The following SNAP91 variants were observed in gnomAD, a reference collection of about 807,000 sequenced individuals.
SNAP91 encodes the protein synaptosome associated protein 91, also known as clathrin coat assembly protein AP180.
In SNAP91, 27 loss-of-function variants were observed where a neutral mutation model predicts 100.3. That is an observed-to-expected ratio of 0.27 (90% CI 0.20 to 0.37). SNAP91 has a LOEUF of 0.37. Ranked by LOEUF, SNAP91 falls within the 10% of genes least tolerant of loss-of-function variation. The pLI is 1.00. For synonymous variants in SNAP91, 404 were observed against 398.6 expected, an observed-to-expected ratio of 1.01 and a Z score of -0.16; for missense variants, 986 against 1,123.7, an observed-to-expected ratio of 0.88 and a Z score of 1.75.
intron 13 of SNAP91, among the ~76,000 whole-genome samples, chr6:83,606,068 G>T (rs180842067): frequency 1.0e-3 from 157 of 152,236 alleles, no homozygotes; most frequent in Non-Finnish European, 1.6e-3. Context: ...ATGAAATTAA[G>T]ACATAGACAA....
intron 11 of SNAP91, chr6:83,611,382 C>T: frequency 2.3e-6 from 1 of 443,022 alleles, no homozygotes; most frequent in South Asian, 1.6e-5. Flanking sequence ...GTAGCATTGA[C>T]TATTGCAGAT....
chr6:83,633,460 C>A (rs2097293498), intron 8 of SNAP91, among the ~76,000 whole-genome samples: 1 of 152,210 alleles, frequency 6.6e-6, no homozygotes, highest in Non-Finnish European at 1.5e-5. Context: ...TGCCCCTTGT[C>A]TTCAGTTACC....
intron 2 of SNAP91, among the ~76,000 whole-genome samples, chr6:83,676,319 A>G (rs534862180): frequency 1.1e-3 from 168 of 152,310 alleles, no homozygotes; most frequent in Non-Finnish European, 2.2e-3. Context: ...AATGTCGAGC[A>G]CAGATAATGT....
chr6:83,619,212 C>G (rs922151784), intron 9 of SNAP91, among the ~76,000 whole-genome samples: 1 of 152,032 alleles, frequency 6.6e-6, no homozygotes. Context: ...TTGGAGCATT[C>G]CATCCTAGAA....
intron 11 of SNAP91, among the ~76,000 whole-genome samples, chr6:83,614,446 T>C (rs565506476): frequency 6.6e-6 from 1 of 152,288 alleles, no homozygotes; most frequent in South Asian, 2.1e-4. Context: ...GTTTGGAGGT[T>C]AGAATAGTTT....
chr6:83,593,825 C>T (rs1440640562), intron 17 of SNAP91, 84 bp from the exon 18 acceptor site: 1 of 1,493,764 alleles, frequency 6.7e-7, no homozygotes, highest in African/African-American at 1.4e-5. Flanking sequence ...CAAGAGACAC[C>T]TTATACAGAT....
chr6:83,621,311 A>G (rs957901851), intron 9 of SNAP91, among the ~76,000 whole-genome samples: 1 of 152,168 alleles, frequency 6.6e-6, no homozygotes, highest in Non-Finnish European at 1.5e-5. Flanking sequence ...TAATGGTTGT[A>G]TAGTATCCCA....
chr6:83,621,199 G>C (rs2096714427), intron 9 of SNAP91, among the ~76,000 whole-genome samples: 1 of 152,096 alleles, frequency 6.6e-6, no homozygotes, highest in African/African-American at 2.4e-5. Flanking sequence ...ACTTATAAGT[G>C]AGAACATGCA....
chr6:83,661,141 G>C (rs539936364), intron 5 of SNAP91, among the ~76,000 whole-genome samples: 1 of 152,134 alleles, frequency 6.6e-6, no homozygotes, highest in East Asian at 1.9e-4. Context: ...ATACTTTTAA[G>C]TGAATCTTGT....
chr6:83,592,218 A>G lies in SNAP91; in HGVS notation c.1930+237T>C, dbSNP rs1270845053. 2.0e-5 allele frequency among the ~76,000 whole-genome samples: 3 copies of G among 152,198 alleles called. No homozygotes were observed. In the East Asian group the frequency reaches 5.8e-4, roughly 29 times the overall value. ...GGATGAAGAACAAAAAGTTGAAAAC[A>G]CCAAGTGAAAAATTATGTGTTTTGT... On this transcript the variant is annotated intron_variant, in intron 21 of 29. Coordinates refer to ENST00000369694, the MANE Select transcript of SNAP91 (RefSeq NM_001242792.2).
chr6:83,634,223 G>T (rs768881942), intron 8 of SNAP91, among the ~76,000 whole-genome samples: 5 of 152,154 alleles, frequency 3.3e-5, no homozygotes, highest in Non-Finnish European at 7.3e-5. Flanking sequence ...GGCAAAAACG[G>T]CTTGCTAGGG....
chr6:83,696,387 C>T (rs1460672269), intron 2 of SNAP91, among the ~76,000 whole-genome samples: 3 of 152,110 alleles, frequency 2.0e-5, no homozygotes, highest in African/African-American at 7.2e-5. Context: ...TTAACACATA[C>T]AGAAAGTATA....
chr6:83,628,026 T>G (rs2097027228), intron 8 of SNAP91, among the ~76,000 whole-genome samples: 1 of 151,514 alleles, frequency 6.6e-6, no homozygotes, highest in Non-Finnish European at 1.5e-5. Flanking sequence ...TCCCCCTGAT[T>G]TCCTCAAAGC....
chr6:83,584,218 T>C (rs1314741554), intron 22 of SNAP91, among the ~76,000 whole-genome samples: 2 of 152,224 alleles, frequency 1.3e-5, no homozygotes, highest in Non-Finnish European at 2.9e-5. Context: ...ATTCTCTTTC[T>C]ATAGGTGAAT....
intron 2 of SNAP91, among the ~76,000 whole-genome samples, chr6:83,668,571 A>G (rs1298742840): frequency 6.6e-6 from 1 of 152,086 alleles, no homozygotes. Context: ...TCAGCAAACT[A>G]TCGCAAGAAC....
chr6:83,619,271 C>G lies in SNAP91; in HGVS notation c.808-2232G>C, dbSNP rs545162646. Among the ~76,000 whole-genome samples, 238 of 152,212 alleles carry G rather than the reference C, an allele frequency of 1.6e-3. 1 individual carries two copies. The highest frequency in any genetic ancestry group is 2.5e-3 in the Non-Finnish European group (168 of 67,988). On this transcript the variant is annotated intron_variant, in intron 9 of 29. Transcript: ENST00000369694. Reference sequence around the variant, plus strand: ...TATTTCTTATAAAAACATGTAAAATCAAACAGAAATAAATTCCTCAAATGT... The same window carrying G: ...TATTTCTTATAAAAACATGTAAAATGAAACAGAAATAAATTCCTCAAATGT...
intron 2 of SNAP91, among the ~76,000 whole-genome samples, chr6:83,692,974 T>C (rs2129001079): frequency 6.6e-6 from 1 of 152,312 alleles, no homozygotes; most frequent in South Asian, 2.1e-4. Flanking sequence ...AGGGTCTCAC[T>C]ATGTTGCCCA....
intron 9 of SNAP91, among the ~76,000 whole-genome samples, chr6:83,618,766 T>C (rs184196432): frequency 2.4e-4 from 37 of 152,028 alleles, no homozygotes; most frequent in Admixed American, 6.5e-4. Context: ...TATTTTTTCA[T>C]TGGGATCGCA....
At chr6:83,678,601 C>T (rs2098943566) in intron 2 of SNAP91, among the ~76,000 whole-genome samples, 1 of 152,148 alleles carries the variant, frequency 6.6e-6, no homozygotes, top group Admixed American at 6.6e-5. Flanking sequence ...TTCTCCTTTG[C>T]TGTATCTATA....
Sources: gnomAD v4.1 joint callset for allele counts (sites outside exome capture counted in the v4.1 genomes callset) on GRCh38, gnomAD v4.1.1 for gene constraint, MANE v1.5 for transcripts, NCBI Gene and HGNC (gene_info 2026-07-23, HGNC 2026-07-21) for gene names.